Variants in FILIP1 observed in about 807,000 individuals in gnomAD.
FILIP1 encodes filamin-A-interacting protein 1.
Under a neutral mutation model 102.1 loss-of-function variants are expected in FILIP1, and 61 were observed. That is an observed-to-expected ratio of 0.60 (90% CI 0.49 to 0.74). The LOEUF is 0.74. FILIP1 is among the 30% of genes least tolerant of loss of function. FILIP1 has a pLI of 0.00. For synonymous variants in FILIP1, 491 were observed against 526.9 expected (o/e 0.93, Z 0.93); for missense variants, 1,314 against 1,441.2 (o/e 0.91, Z 1.43).
At chr6:75,342,776 C>T (rs908572053) in intron 4 of FILIP1, among the ~76,000 whole-genome samples, 1 of 152,206 alleles carries the variant, frequency 6.6e-6, no homozygotes. Context: ...ATGCTCTTGA[C>T]CAGCCCTGCC....
intron 4 of FILIP1, among the ~76,000 whole-genome samples, chr6:75,349,127 C>T (rs1774696414): frequency 6.6e-6 from 1 of 152,278 alleles, no homozygotes; most frequent in South Asian, 2.1e-4. Flanking sequence ...AAGGGCTGAT[C>T]TCAAAATCTT....
chr6:75,300,921 A>G (rs1263407910), intron 6 of FILIP1, among the ~76,000 whole-genome samples: 1 of 152,194 alleles, frequency 6.6e-6, no homozygotes, highest in Non-Finnish European at 1.5e-5. Flanking sequence ...CTTTTTTGGC[A>G]AGCTAATTCT....
At chr6:75,455,390 A>G (rs1279305795) in intron 1 of FILIP1, 2 of 151,806 alleles carry the variant, frequency 1.3e-5, no homozygotes, top group Non-Finnish European at 1.5e-5. Context: ...AGTTTTTTTC[A>G]TGGTATGAAA....
intron 1 of FILIP1, among the ~76,000 whole-genome samples, chr6:75,466,093 C>T (rs1779158224): frequency 6.6e-6 from 1 of 152,160 alleles, no homozygotes; most frequent in East Asian, 1.9e-4. Flanking sequence ...CAAGTCTTTG[C>T]TCAAACATTA....
Position 75,312,414 on chromosome 6 carries a change from G to C in FILIP1, c.3418C>G (p.Arg1140Gly). ...TITPVTTSSARGTQSVSGQDG... is the reference protein window; with the variant it reads ...TITPVTTSSAGGTQSVSGQDG... ...CTACTCACCACTGACTGGGTTCCTC[G>C]AGCAGATGACGTTGTGACCGGTGTT... The change falls in exon 5 of 6, where the codon CGA becomes GGA. Residue 1140 changes from arginine (R) to glycine (G), a missense_variant. Physicochemically the swap from Arg to Gly is moderately radical, Grantham distance 125. Transcript: ENST00000237172. 5.6e-6 allele frequency: 9 copies of C among 1,613,702 alleles called. No individual in the cohort carries two copies. Among genetic ancestry groups the C allele is most frequent in the Non-Finnish European group, 6.8e-6 (8 of 1,179,760 alleles).
intron 1 of FILIP1, among the ~76,000 whole-genome samples, chr6:75,491,534 C>G (rs547071608): frequency 1.3e-5 from 2 of 152,180 alleles, no homozygotes; most frequent in South Asian, 4.2e-4. Flanking sequence ...TAGGAGGGAG[C>G]AGCATTGTTA....
intron 2 of FILIP1, among the ~76,000 whole-genome samples, chr6:75,378,306 CAGCAACAAA>C (rs1221210469): frequency 1.3e-5 from 2 of 152,134 alleles, no homozygotes; most frequent in Non-Finnish European, 2.9e-5. Context: ...ACAGCAAAAT[CAGCAACAAA>C]AGCTACAAAA....
chr6:75,381,268 C>T (rs898642104), intron 2 of FILIP1, among the ~76,000 whole-genome samples: 6 of 151,556 alleles, frequency 4.0e-5, no homozygotes, highest in African/African-American at 1.5e-4. Flanking sequence ...CTTGCTCTGT[C>T]GCCCAAGATA....
intron 2 of FILIP1, among the ~76,000 whole-genome samples, chr6:75,373,201 T>C (rs1292083752): frequency 6.6e-6 from 1 of 152,208 alleles, no homozygotes; most frequent in African/African-American, 2.4e-5. Context: ...AAATGCTGTA[T>C]GATTCCACTA....
intron 6 of FILIP1, among the ~76,000 whole-genome samples, chr6:75,302,990 A>T (rs559419201): frequency 2.6e-5 from 4 of 152,262 alleles, no homozygotes; most frequent in African/African-American, 9.6e-5. Flanking sequence ...AAGTAGTTAA[A>T]ACCCTCAATT....
In FILIP1 at chr6:75,308,257, G is replaced by C; in HGVS notation, c.*434C>G. The C allele has an allele frequency of 4.0e-6, 4 of 988,948 alleles. No individual in the cohort carries two copies. Among genetic ancestry groups the C allele is most frequent in the Non-Finnish European group, 4.8e-6 (4 of 830,694 alleles). The allele number at this position is 988,948 out of a possible 1,614,324, so 61.3% of individuals were successfully genotyped here. On this transcript the variant is annotated 3_prime_UTR_variant, in exon 6 of 6. Coordinates refer to ENST00000237172, the MANE Select transcript of FILIP1 (RefSeq NM_015687.5). The stretch of plus-strand genomic sequence containing the variant: ...GATGTGAAAGAGGCAAATGACAATA[G>C]TTAAAGTATGTCTTATTTTGTAATA...
At chr6:75,326,146 C>T (rs1486956653) in intron 4 of FILIP1, among the ~76,000 whole-genome samples, 2 of 151,860 alleles carry the variant, frequency 1.3e-5, no homozygotes, top group African/African-American at 4.8e-5. Flanking sequence ...CACACACACA[C>T]ATCATGAAAT....
chr6:75,387,283 G>A (rs1451379192), intron 2 of FILIP1, among the ~76,000 whole-genome samples: 1 of 152,078 alleles, frequency 6.6e-6, no homozygotes. Context: ...GGGCATTTGG[G>A]TTGGTTCAAA....
chr6:75,491,499 A>G (rs1003035581), intron 1 of FILIP1, among the ~76,000 whole-genome samples: 1 of 152,202 alleles, frequency 6.6e-6, no homozygotes, highest in Non-Finnish European at 1.5e-5. Context: ...GTCATGGGCA[A>G]GATGATTTGG....
At chr6:75,357,795 C>T (rs1208103646) in intron 3 of FILIP1, among the ~76,000 whole-genome samples, 1 of 152,178 alleles carries the variant, frequency 6.6e-6, no homozygotes, top group African/African-American at 2.4e-5. Context: ...ACATCAGTCA[C>T]CTAAGAGAGA....
chr6:75,325,296 C>T (rs2149570009), intron 4 of FILIP1, among the ~76,000 whole-genome samples: 1 of 152,294 alleles, frequency 6.6e-6, no homozygotes, highest in South Asian at 2.1e-4. Context: ...GTGGCACACA[C>T]CTGTAGCCCC....
chr6:75,308,698 T>A lies in FILIP1; in HGVS notation c.3635A>T (p.Lys1212Met). The A allele has an allele frequency of 6.2e-7, 1 of 1,612,896 alleles. No individual in the cohort carries two copies. Among genetic ancestry groups the A allele is most frequent in the Non-Finnish European group, 8.5e-7 (1 of 1,180,008 alleles). The change falls in exon 6 of 6, where the codon AAG (lysine) becomes ATG (methionine). Residue 1212 changes from lysine (K) to methionine (M), a missense_variant. Coordinates refer to ENST00000237172, the MANE Select transcript of FILIP1 (RefSeq NM_015687.5). The stretch of plus-strand genomic sequence containing the variant: ...CCCCCTTAGCCACTGCCCTCAGCCC[T>A]TCCCCCCTCCGAGAGAGGTGGTGCT... ...ASSTTSLGGG[K>M]G
intron 1 of FILIP1, among the ~76,000 whole-genome samples, chr6:75,440,074 A>G (rs1259623796): frequency 1.3e-5 from 2 of 152,232 alleles, no homozygotes; most frequent in Non-Finnish European, 2.9e-5. Flanking sequence ...TGGTAAAAAC[A>G]TGTAATAATT....
intron 4 of FILIP1, among the ~76,000 whole-genome samples, chr6:75,338,804 C>T (rs1016453930): frequency 1.3e-5 from 2 of 152,134 alleles, no homozygotes; most frequent in Non-Finnish European, 2.9e-5. Flanking sequence ...CTGAAATAAA[C>T]GATTAGATCA....
Sources: gnomAD v4.1 joint callset for allele counts (sites outside exome capture counted in the v4.1 genomes callset) on GRCh38, gnomAD v4.1.1 for gene constraint, MANE v1.5 for transcripts, NCBI Gene and HGNC (gene_info 2026-07-23, HGNC 2026-07-21) for gene names.